CCDC141: variants seen among roughly 807,000 people sequenced by gnomAD.
The protein encoded by CCDC141 is coiled-coil domain containing 141, also known as coiled-coil domain-containing protein 141.
Under a neutral mutation model 181.0 loss-of-function variants are expected in CCDC141, and 168 were observed. The observed-to-expected ratio is 0.93, with a 90% CI of 0.82 to 1.05. CCDC141 has a LOEUF of 1.05. Among genes scored for constraint, CCDC141 ranks in the 50% least tolerant of loss-of-function variants. The pLI, the probability that CCDC141 is intolerant of heterozygous loss-of-function variation, is 0.00. For missense variants in CCDC141, 1,902 were observed against 1,788.5 expected, an observed-to-expected ratio of 1.06 and a Z score of -1.14; for synonymous variants, 666 against 642.3, an observed-to-expected ratio of 1.04 and a Z score of -0.56.
intron 2 of CCDC141, among the ~76,000 whole-genome samples, chr2:179,035,223 A>G (rs999730425): frequency 1.3e-5 from 2 of 152,130 alleles, no homozygotes. Flanking sequence ...CATTCTTCAT[A>G]AAGAAAACCT....
chr2:178,837,885 G>T, intron 22 of CCDC141, 141 bp from the exon 23 acceptor site: 1 of 811,650 alleles, frequency 1.2e-6, no homozygotes, highest in Non-Finnish European at 1.9e-6. Flanking sequence ...AAGAATTACG[G>T]ATGAGAAACC....
At chr2:178,975,358 T>C (rs1264064262) in intron 3 of CCDC141, among the ~76,000 whole-genome samples, 193 bp from the exon 4 acceptor site, 9 of 152,136 alleles carry the variant, frequency 5.9e-5, no homozygotes, top group Non-Finnish European at 1.3e-4. Context: ...TGTTTGCATG[T>C]GGTCAATTTA....
At chr2:179,005,207 C>T (rs1288759683) in intron 2 of CCDC141, among the ~76,000 whole-genome samples, 1 of 151,946 alleles carries the variant, frequency 6.6e-6, no homozygotes, top group Non-Finnish European at 1.5e-5. Context: ...GATTTCCCTC[C>T]AATTAGACTA....
At chr2:178,921,432 A>C (rs1688683636) in intron 6 of CCDC141, among the ~76,000 whole-genome samples, 2 of 152,230 alleles carry the variant, frequency 1.3e-5, no homozygotes, top group Admixed American at 6.5e-5. Flanking sequence ...GGGTATTCCC[A>C]TTACCCACTT....
intron 8 of CCDC141, among the ~76,000 whole-genome samples, chr2:178,903,810 G>A (rs1471044557): frequency 6.6e-6 from 1 of 151,652 alleles, no homozygotes; most frequent in Non-Finnish European, 1.5e-5. Context: ...CCACAGCCAG[G>A]GAACATGCCG....
chr2:179,006,947 C>T (rs2042138697), intron 2 of CCDC141, among the ~76,000 whole-genome samples: 1 of 152,056 alleles, frequency 6.6e-6, no homozygotes, highest in Admixed American at 6.6e-5. Flanking sequence ...ACCAATGACA[C>T]AGGATTTTGG....
intron 2 of CCDC141, among the ~76,000 whole-genome samples, chr2:178,999,888 C>T (rs1389389404): frequency 6.6e-6 from 1 of 152,084 alleles, no homozygotes; most frequent in African/African-American, 2.4e-5. Flanking sequence ...AGGGTATTAG[C>T]CCCTTTAAAG....
At chr2:178,815,665 G>A in the CCDC141 span, among the ~76,000 whole-genome samples, 2 of 152,040 alleles carry the variant, frequency 1.3e-5, no homozygotes, top group South Asian at 2.1e-4. Context: ...AAATAGCATA[G>A]TATTTGCATT....
At chr2:179,015,091 T>TACAC (rs1403968448) in intron 2 of CCDC141, among the ~76,000 whole-genome samples, 1 of 42,032 alleles carries the variant, frequency 2.4e-5, no homozygotes, top group Admixed American at 2.2e-4. Flanking sequence ...TATATATATA[T>TACAC]ATATATATAT....
At chr2:178,888,745 C>A in intron 8 of CCDC141, 77 bp from the exon 9 acceptor site, 1 of 1,476,440 alleles carries the variant, frequency 6.8e-7, no homozygotes, top group South Asian at 1.3e-5. Context: ...GATCTGCTCT[C>A]ATGTTAGGTA....
chr2:178,938,362 AC>A (rs1249880168), intron 6 of CCDC141, among the ~76,000 whole-genome samples: 1 of 152,134 alleles, frequency 6.6e-6, no homozygotes, highest in Non-Finnish European at 1.5e-5. Context: ...CCCAAAAGTC[AC>A]TCAGGAGCAT....
At chr2:179,015,772 A>ATCTCATATATGTATCATATATG (rs1559050617) in intron 2 of CCDC141, among the ~76,000 whole-genome samples, 2 of 138,352 alleles carry the variant, frequency 1.4e-5, no homozygotes, top group Non-Finnish European at 3.1e-5. Flanking sequence ...TATCATATAT[A>ATCTCATATATGTATCATATATG]TCTCATATAT....
intron 8 of CCDC141, among the ~76,000 whole-genome samples, chr2:178,898,018 A>G (rs1434894765): frequency 6.6e-6 from 1 of 152,198 alleles, no homozygotes; most frequent in Non-Finnish European, 1.5e-5. Flanking sequence ...CAACCTCACT[A>G]TAAGTCTAAG....
chr2:178,881,913 TCTCACACACACACACACACACACA>T (rs1427302332), intron 11 of CCDC141, among the ~76,000 whole-genome samples: 1 of 110,944 alleles, frequency 9.0e-6, no homozygotes, highest in Non-Finnish European at 1.8e-5. Flanking sequence ...TCTCTCTCTC[TCTCACACACACACACACACACACA>T]CACACACACA....
At chr2:178,836,728 G>C (rs1684489738) in intron 23 of CCDC141, 166 bp downstream of exon 23, 1 of 676,400 alleles carries the variant, frequency 1.5e-6, no homozygotes, top group South Asian at 2.1e-5. Context: ...TAACTATGCT[G>C]CTACTAAAAT....
chr2:179,008,622 T>C (rs189698898), intron 2 of CCDC141, among the ~76,000 whole-genome samples: 57 of 152,288 alleles, frequency 3.7e-4, no homozygotes, highest in African/African-American at 1.2e-3. Flanking sequence ...TCTCTTCTTT[T>C]AAAACTCCTC....
Position 178,868,021 on chromosome 2 carries a change from C to T in CCDC141, c.2574+5G>A. The T allele has an allele frequency of 1.2e-6, 2 of 1,600,816 alleles. No homozygotes were observed. Among genetic ancestry groups the T allele is most frequent in the Non-Finnish European group, 1.7e-6 (2 of 1,169,624 alleles). On this transcript the variant is annotated splice_donor_5th_base_variant and intron_variant, in intron 16 of 23. Transcript: ENST00000443758. ...GTCTAAATGATAGTGTTATTAGATG[C>T]TTACAGGCCGCTGCACTGATGAGAT...
chr2:178,941,078 G>A (rs1281591572), intron 6 of CCDC141, among the ~76,000 whole-genome samples: 2 of 152,304 alleles, frequency 1.3e-5, no homozygotes, highest in East Asian at 3.9e-4. Context: ...CTGTGGATAA[G>A]TCTATTGCCT....
chr2:178,885,617 A>T (rs1036994016), intron 10 of CCDC141, among the ~76,000 whole-genome samples: 1 of 152,208 alleles, frequency 6.6e-6, no homozygotes, highest in Non-Finnish European at 1.5e-5. Flanking sequence ...AACCTAAAAA[A>T]TCAGTGACTT....
Sources: allele counts gnomAD v4.1 joint callset (sites outside exome capture counted in the v4.1 genomes callset), GRCh38; gene constraint gnomAD v4.1.1; transcripts MANE v1.5; gene names NCBI Gene and HGNC (gene_info 2026-07-23, HGNC 2026-07-21).